The following TGM6 variants were observed in gnomAD, a reference collection of about 807,000 sequenced individuals.
TGM6 encodes protein-glutamine gamma-glutamyltransferase 6.
A neutral mutation model predicts 77.5 loss-of-function variants in TGM6; 74 were observed. The ratio of observed to expected loss-of-function variants is 0.96; its 90% CI spans 0.79 to 1.16. TGM6 has a LOEUF of 1.16. Ranked by LOEUF, TGM6 falls within the 50% of genes most tolerant of loss-of-function variation. The pLI is 0.00. For missense variants in TGM6, 968 were observed against 940.2 expected, an observed-to-expected ratio of 1.03 and a Z score of -0.39; for synonymous variants, 383 against 378.9, an observed-to-expected ratio of 1.01 and a Z score of -0.12.
chr20:2,418,870 A>T (rs1599963847), intron 10 of TGM6, among the ~76,000 whole-genome samples: 1 of 152,122 alleles, frequency 6.6e-6, no homozygotes, highest in African/African-American at 2.4e-5. Flanking sequence ...AGGTCAGGAG[A>T]TCGAAACCAT....
rs768927841 is a variant in TGM6 at position 2,427,579 on chromosome 20, T to G, written c.1679-2867T>G. 1.1e-4 allele frequency among the ~76,000 whole-genome samples: 16 copies of G among 152,254 alleles called. 1 individual carries two copies. The highest frequency in any genetic ancestry group is 3.4e-4 in the African/African-American group (14 of 41,468). ...ATTTTTATTATTTCTTTTCTTCTGC[T>G]TAAGATGAGTTTAACGTGTTCTCCT... On this transcript the variant is annotated intron_variant, in intron 10 of 12. Transcript: ENST00000202625.
chr20:2,425,670 G>A (rs2084883063), intron 10 of TGM6, among the ~76,000 whole-genome samples: 1 of 151,482 alleles, frequency 6.6e-6, no homozygotes, highest in Non-Finnish European at 1.5e-5. Context: ...GACTACTCTG[G>A]GTCTTTTGCC....
chr20:2,385,362 G>C (rs187623776), intron 1 of TGM6, among the ~76,000 whole-genome samples: 1 of 152,144 alleles, frequency 6.6e-6, no homozygotes, highest in African/African-American at 2.4e-5. Context: ...CGGCTGGGGA[G>C]GGGGGAGGTG....
At chr20:2,396,774 A>C (rs568917174) in intron 4 of TGM6, 150 bp downstream of exon 4, 17 of 757,398 alleles carry the variant, frequency 2.2e-5, no homozygotes, top group Non-Finnish European at 3.6e-5. Flanking sequence ...TTCATCTACT[A>C]TTCACTGGGC....
At chr20:2,400,192 A>G in intron 6 of TGM6, 114 bp from the exon 7 acceptor site, 1 of 1,467,746 alleles carries the variant, frequency 6.8e-7, no homozygotes, top group East Asian at 2.3e-5. Context: ...ACACAGACAA[A>G]GATGGGGTGG....
chr20:2,418,827 AGCATTTTGGG>A (rs57084909), intron 10 of TGM6, among the ~76,000 whole-genome samples: 2,349 of 152,226 alleles, frequency 0.015, 66 homozygotes, highest in African/African-American at 0.054. Flanking sequence ...CTGTAATCCT[AGCATTTTGGG>A]AGGCCAAGGC....
At chr20:2,400,273 G>A (rs763957467) in intron 6 of TGM6, 33 bp from the exon 7 acceptor site, 9 of 1,613,486 alleles carry the variant, frequency 5.6e-6, no homozygotes, top group Admixed American at 1.7e-5. Flanking sequence ...AGGGGCCAGG[G>A]TCCCGCCTGC....
chr20:2,427,903 G>C (rs1025008625), intron 10 of TGM6, among the ~76,000 whole-genome samples: 2 of 152,048 alleles, frequency 1.3e-5, no homozygotes, highest in Non-Finnish European at 2.9e-5. Context: ...CTACAGGCAC[G>C]TGCCCACAAA....
chr20:2,419,587 A>G (rs543316177), intron 10 of TGM6, among the ~76,000 whole-genome samples: 2 of 152,332 alleles, frequency 1.3e-5, no homozygotes, highest in Non-Finnish European at 2.9e-5. Context: ...CAAACTGTTA[A>G]TGTATTTTAC....
rs752771203 is a variant in TGM6, at chr20:2,430,451, A to G, written c.1684A>G (p.Arg562Gly). 3 of 1,614,232 alleles carry G rather than the reference A, an allele frequency of 1.9e-6. No individual in the cohort carries two copies. The South Asian group carries it at 3.3e-5, about 18-fold the overall frequency. ...AVRLGPQEEK[R>G]IPITISYSKY... ...ACTTCTGCTTTCCCTTCCAGAGAAGAGAATCCCAATTACAATATCTTACTC... is the reference window on the plus strand; with the variant it reads ...ACTTCTGCTTTCCCTTCCAGAGAAGGGAATCCCAATTACAATATCTTACTC... Residue 562 changes from arginine (R) to glycine (G), a missense_variant, in exon 11 of 13, where the codon AGA becomes GGA. Arg to Gly is a moderately radical substitution (Grantham distance 125, BLOSUM62 -2). Coordinates refer to ENST00000202625, the MANE Select transcript of TGM6 (RefSeq NM_198994.3).
At position 2,430,951 on chromosome 20, in the gene TGM6, C is replaced by G. The variant is rs1397923488; in HGVS notation, c.1891C>G (p.Pro631Ala). The G allele has an allele frequency of 6.2e-7, 1 of 1,614,098 alleles. No homozygotes were observed. Among genetic ancestry groups the G allele is most frequent in the Admixed American group, 1.7e-5 (1 of 60,014 alleles). The part of the protein sequence containing the change: ...AVTVEVTVVN[P>A]LIERVKDCAL... ...TACAGTGGAAGTGACAGTAGTCAAC[C>G]CCCTCATAGAGAGAGTGAAGGACTG... The change falls in exon 12 of 13, where the codon CCC becomes GCC. Residue 631 changes from proline to alanine, a missense_variant. Pro to Ala is a conservative substitution (Grantham distance 27, BLOSUM62 -1). Coordinates refer to ENST00000202625, the MANE Select transcript of TGM6 (RefSeq NM_198994.3).
rs956344289 is a variant in TGM6 at position 2,395,510 on chromosome 20, G to A, written c.424+74G>A. On this transcript the variant is annotated intron_variant, in intron 3 of 12. Coordinates refer to ENST00000202625, the MANE Select transcript of TGM6 (RefSeq NM_198994.3). The stretch of plus-strand genomic sequence containing the variant: ...AGAGGAGAGCCTGCCCTTGGAGGGG[G>A]CCTGGGAGGTGGGTTAAAGGACAAG... 1.6e-5 allele frequency: 25 copies of A among 1,612,442 alleles called. No individual in the cohort carries two copies. The African/African-American group carries it at 2.7e-4, about 17-fold the overall frequency.
Position 2,418,804 on chromosome 20 carries a change from C to T in TGM6, c.1678+1231C>T, listed in dbSNP as rs148497368. 1.4e-4 allele frequency among the ~76,000 whole-genome samples: 21 copies of T among 152,008 alleles called. No individual in the cohort carries two copies. The East Asian group carries it at 2.3e-3, about 17-fold the overall frequency. On this transcript the variant is annotated intron_variant, in intron 10 of 12. Coordinates refer to ENST00000202625, the MANE Select transcript of TGM6 (RefSeq NM_198994.3). ...TTTAAAAATATATTGAGGCCGGGCG[C>T]GGTGGCTCACGCCTGTAATCCTAGC...
intron 9 of TGM6, among the ~76,000 whole-genome samples, chr20:2,410,658 A>G (rs2084779366): frequency 6.6e-6 from 1 of 152,150 alleles, no homozygotes; most frequent in Non-Finnish European, 1.5e-5. Context: ...GTGGAGTCTG[A>G]TGCTAACTCC....
At position 2,403,441 on chromosome 20, in the gene TGM6, T is replaced by C; in HGVS notation, c.1034T>C (p.Leu345Pro). The change falls in exon 8 of 13, where the codon CTA becomes CCA. Residue 345 changes from leucine (L) to proline (P), a missense_variant. By Grantham distance (98) the Leu-to-Pro change is moderately conservative (BLOSUM62 -3). Transcript: ENST00000202625. ...GAGAGCTGGTTTGCCCGGCAGGACC[T>C]AGGCCCCTCTTACAATGGCTGGCAG... ...WNESWFARQD[L>P]GPSYNGWQVL... The C allele has an allele frequency of 6.2e-7, 1 of 1,614,158 alleles. No homozygotes were observed. Among genetic ancestry groups the C allele is most frequent in the East Asian group, 2.2e-5 (1 of 44,870 alleles).
intron 1 of TGM6, among the ~76,000 whole-genome samples, chr20:2,385,112 G>A (rs6106604): frequency 0.032 from 4,880 of 152,240 alleles, 259 homozygotes; most frequent in African/African-American, 0.11. Flanking sequence ...CCAAGAATTC[G>A]GCCAAGGGAA....
At chr20:2,416,435 G>C (rs1027236520) in intron 9 of TGM6, among the ~76,000 whole-genome samples, 6 of 152,122 alleles carry the variant, frequency 3.9e-5, no homozygotes, top group Non-Finnish European at 8.8e-5. Flanking sequence ...TTCAATAAAT[G>C]GTGTTGGGAC....
intron 9 of TGM6, among the ~76,000 whole-genome samples, chr20:2,413,109 C>A (rs953633986): frequency 6.6e-6 from 1 of 152,050 alleles, no homozygotes; most frequent in Non-Finnish European, 1.5e-5. Flanking sequence ...CTCATACTTC[C>A]CAAATTCAAA....
intron 10 of TGM6, among the ~76,000 whole-genome samples, chr20:2,425,714 T>TA (rs1282535546): frequency 2.6e-5 from 4 of 152,126 alleles, no homozygotes; most frequent in Non-Finnish European, 5.9e-5. Context: ...CATGGTTCTT[T>TA]AAAAAAATCT....
Sources: gnomAD v4.1 joint callset for allele counts (sites outside exome capture counted in the v4.1 genomes callset) on GRCh38, gnomAD v4.1.1 for gene constraint, MANE v1.5 for transcripts, NCBI Gene and HGNC (gene_info 2026-07-23, HGNC 2026-07-21) for gene names.